CREB3: variants seen among roughly 807,000 people sequenced by gnomAD.
CREB3 encodes cyclic AMP-responsive element-binding protein 3.
Under a neutral mutation model 34.5 loss-of-function variants are expected in CREB3, and 29 were observed. The ratio of observed to expected loss-of-function variants is 0.84; its 90% CI spans 0.63 to 1.15. CREB3 has a LOEUF of 1.15. Among genes scored for constraint, CREB3 ranks in the 50% most tolerant of loss-of-function variants. CREB3 has a pLI of 0.00. For synonymous variants in CREB3, 187 were observed against 173.9 expected, an observed-to-expected ratio of 1.08 and a Z score of -0.59; for missense variants, 447 against 443.4, an observed-to-expected ratio of 1.01 and a Z score of -0.07.
At position 35,732,789 on chromosome 9, in the gene CREB3, A is replaced by G. The variant is rs756692021; in HGVS notation, c.17A>G (p.Asp6Gly). Residue 6 changes from aspartate to glycine, a missense_variant, in exon 1 of 9, where the codon GAT (aspartate) becomes GGT (glycine). Transcript: ENST00000353704. This position sits in a 1 kb window ranked among gnomAD's most constrained non-coding sequence, Gnocchi z 5.1. MELELDAGDQDLLAFL... is the reference protein window; with the variant it reads MELELGAGDQDLLAFL... ...TTGTCCCAAATGGAGCTGGAATTGG[A>G]TGCTGGTGACCAAGACCTGCTGGCC... 3.0e-5 allele frequency: 48 copies of G among 1,612,646 alleles called. No homozygotes were observed. Among genetic ancestry groups the G allele is most frequent in the Non-Finnish European group, 3.8e-5 (45 of 1,179,380 alleles).
Position 35,736,248 on chromosome 9 carries a change from C to T in CREB3, c.718C>T (p.Leu240Phe). 3 of 1,614,172 alleles carry T rather than the reference C, an allele frequency of 1.9e-6. No individual in the cohort carries two copies. Among genetic ancestry groups the T allele is most frequent in the African/African-American group, 2.7e-5 (2 of 75,042 alleles). Residue 240 changes from leucine (L) to phenylalanine (F), a missense_variant, in exon 8 of 9, where the codon CTC becomes TTC. Coordinates refer to ENST00000353704, the MANE Select transcript of CREB3 (RefSeq NM_006368.5). ...CILVLLVSFC[L>F]LLVPAMYSSD... is the part of the protein sequence containing the mutation. ...CTAGGTCCTACTAGTCTCCTTCTGC[C>T]TCCTCCTTGTACCTGCTATGTACTC... is the stretch of plus-strand genomic sequence containing the variant.
In CREB3 at chr9:35,733,411, G is replaced by GT; in HGVS notation, c.362dup (p.Leu122ThrfsTer4). ...GTTACCCTAGGAGATTGCTAGGCTA[G>GT]TACTGACAGATGAGGAGAAGAGTCT... On this transcript the variant is annotated frameshift_variant, in exon 4 of 9. Transcript: ENST00000353704. LOFTEE classifies it high-confidence loss of function. 6.2e-7 allele frequency: 1 copy of GT among 1,613,736 alleles called. No homozygotes were observed. The highest frequency in any genetic ancestry group is 1.1e-5 in the South Asian group (1 of 91,074).
At position 35,732,804 on chromosome 9, in the gene CREB3, A is replaced by G. The variant is rs1005838734; in HGVS notation, c.32A>G (p.Asp11Gly). 3.5e-5 allele frequency: 57 copies of G among 1,613,768 alleles called. No homozygotes were observed. The highest frequency in any genetic ancestry group is 4.8e-5 in the Non-Finnish European group (57 of 1,179,906). MELELDAGDQDLLAFLLEESG... is the reference protein window; with the variant it reads MELELDAGDQGLLAFLLEESG... ...CTGGAATTGGATGCTGGTGACCAAG[A>G]CCTGCTGGCCTTCCTGCTAGAGGAA... is the stretch of plus-strand genomic sequence containing the variant. The change falls in exon 1 of 9, where the codon GAC becomes GGC. Residue 11 changes from aspartate to glycine, a missense_variant. By Grantham distance (94) the Asp-to-Gly change is moderately conservative. Transcript: ENST00000353704. This position sits in a 1 kb window ranked among gnomAD's most constrained non-coding sequence, Gnocchi z 5.1.
chr9:35,733,506 A>G, intron 4 of CREB3, 21 bp downstream of exon 4: 1 of 1,573,304 alleles, frequency 6.4e-7, no homozygotes, highest in Non-Finnish European at 8.7e-7. Flanking sequence ...CATTGGTTGA[A>G]CAAAGGCTGA....
At position 35,733,497 on chromosome 9, in the gene CREB3, A is replaced by G. The variant is rs765152846; in HGVS notation, c.435+12A>G. On this transcript the variant is annotated intron_variant, in intron 4 of 8. Transcript: ENST00000353704. ...TTCCTCTCACTAAGGTAAGACTCTC[A>G]TTGGTTGAACAAAGGCTGAAAAGGG... 1 of 1,594,922 alleles carries G rather than the reference A, an allele frequency of 6.3e-7. No individual in the cohort carries two copies. The highest frequency in any genetic ancestry group is 8.6e-7 in the Non-Finnish European group (1 of 1,162,650).
chr9:35,733,826 G>A (rs190076889), intron 4 of CREB3, among the ~76,000 whole-genome samples: 1 of 152,290 alleles, frequency 6.6e-6, no homozygotes, highest in African/African-American at 2.4e-5. Context: ...TGGTAGAACT[G>A]TTTAGAGAGT....
In CREB3 at chr9:35,733,132, C is replaced by T. The variant is rs748137034; in HGVS notation, c.266C>T (p.Ser89Phe). 6 of 1,614,222 alleles carry T rather than the reference C, an allele frequency of 3.7e-6. No individual in the cohort carries two copies. The highest frequency in any genetic ancestry group is 3.3e-5 in the South Asian group (3 of 91,086). Residue 89 changes from serine (S) to phenylalanine (F), a missense_variant, in exon 2 of 9, where the codon TCT (serine) becomes TTT (phenylalanine). Physicochemically the swap from Ser to Phe is radical, Grantham distance 155. Transcript: ENST00000353704. ...TACTCCCTCCCACGGGAAACTGTCT[C>T]TATGGATCTAGGTGAGTCTGAAATA... Reference protein sequence around the residue: ...HTYSLPRETVSMDLESESCRK... With the variant: ...HTYSLPRETVFMDLESESCRK...
In CREB3 at chr9:35,734,023, G is replaced by T. The variant is rs530483030; in HGVS notation, c.435+538G>T. Among the ~76,000 whole-genome samples, 8 of 152,192 alleles carry T rather than the reference G, an allele frequency of 5.3e-5. No homozygotes were observed. The South Asian group carries it at 1.2e-3, about 24-fold the overall frequency. On this transcript the variant is annotated intron_variant, in intron 4 of 8. Transcript: ENST00000353704. Reference sequence around the variant, plus strand: ...AGGTCTTGCTCTGTTGCCCAGGCTGGAGTGCACTGATGTGATCATGGCTCA... The same window carrying T: ...AGGTCTTGCTCTGTTGCCCAGGCTGTAGTGCACTGATGTGATCATGGCTCA...
Position 35,736,855 on chromosome 9 carries a change from A to G in CREB3, c.*129A>G. ...TCAGGACGACTGAGGGCTCAAACAC[A>G]CCACACTTAATGGCTTTCTGGGTCT... On this transcript the variant is annotated 3_prime_UTR_variant, in exon 9 of 9. Transcript: ENST00000353704. The G allele has an allele frequency of 1.2e-6, 1 of 864,780 alleles. No individual in the cohort carries two copies. Among genetic ancestry groups the G allele is most frequent in the East Asian group, 2.5e-5 (1 of 40,064 alleles). 53.6% of individuals were successfully genotyped at this position (864,780 alleles called of 1,614,324 possible).
chr9:35,735,098 T>C lies in CREB3; in HGVS notation c.436-11T>C. ...TCCTCTAATGATATCCCTTTCCCTG[T>C]TTCCTTTCAGACAGAGGAACAAATT... On this transcript the variant is annotated splice_polypyrimidine_tract_variant and intron_variant, in intron 4 of 8. Transcript: ENST00000353704. The C allele has an allele frequency of 1.3e-6, 2 of 1,594,884 alleles. No homozygotes were observed. The highest frequency in any genetic ancestry group is 1.7e-6 in the Non-Finnish European group (2 of 1,174,230).
At position 35,736,683 on chromosome 9, in the gene CREB3, C is replaced by G; in HGVS notation, c.1073C>G (p.Thr358Ser). 6.2e-7 allele frequency: 1 copy of G among 1,611,990 alleles called. No individual in the cohort carries two copies. Among genetic ancestry groups the G allele is most frequent in the Non-Finnish European group, 8.5e-7 (1 of 1,179,958 alleles). The part of the protein sequence containing the change: ...NLTRKGGWLP[T>S]GSPSVILQDR... ...ACAAGGAAGGGAGGATGGCTTCCTA[C>G]TGGTAGCCCCTCTGTCATTTTGCAG... Residue 358 changes from threonine to serine, a missense_variant, in exon 9 of 9, where the codon ACT (threonine) becomes AGT (serine). By Grantham distance (58) the Thr-to-Ser change is moderately conservative. Transcript: ENST00000353704.
chr9:35,736,102 C>T lies in CREB3; in HGVS notation c.666C>T (p.Asn222=), dbSNP rs34745689. ...KLQAMVIEIS[N]KTSSSSTCIL... is the part of the protein sequence containing the mutation. ...AGGCCATGGTGATTGAGATATCAAA[C>T]AAAACCAGCAGCAGCAGCACCTGCA... is the stretch of plus-strand genomic sequence containing the variant. Residue 222 remains asparagine, a synonymous_variant, in exon 7 of 9, where the codon AAC becomes AAT. Transcript: ENST00000353704. The T allele has an allele frequency of 1.3e-3, 2,102 of 1,614,064 alleles. 8 individuals carry two copies. In the African/African-American group the frequency reaches 0.014, roughly 11 times the overall value.
In CREB3 at chr9:35,732,921, G is replaced by A; in HGVS notation, c.129+20G>A. ...TCTGAGGTAGGTTGGGGTTCTGACTGGGGAAAGCGTGGGATGTCCATGAAG... is the reference window on the plus strand; with the variant it reads ...TCTGAGGTAGGTTGGGGTTCTGACTAGGGAAAGCGTGGGATGTCCATGAAG... On this transcript the variant is annotated intron_variant, in intron 1 of 8. Transcript: ENST00000353704. The surrounding 1 kb of genome is among the most constrained non-coding windows in gnomAD (Gnocchi z 5.1). 2 of 1,613,118 alleles carry A rather than the reference G, an allele frequency of 1.2e-6. No homozygotes were observed. Among genetic ancestry groups the A allele is most frequent in the Non-Finnish European group, 8.5e-7 (1 of 1,179,398 alleles).
In CREB3 at chr9:35,733,224, G is replaced by A; in HGVS notation, c.287G>A (p.Ser96Asn). 1 of 1,614,174 alleles carries A rather than the reference G, an allele frequency of 6.2e-7. No individual in the cohort carries two copies. Among genetic ancestry groups the A allele is most frequent in the Non-Finnish European group, 8.5e-7 (1 of 1,180,030 alleles). Residue 96 changes from serine (S) to asparagine (N), a missense_variant, in exon 3 of 9, where the codon AGC (serine) becomes AAC (asparagine). Coordinates refer to ENST00000353704, the MANE Select transcript of CREB3 (RefSeq NM_006368.5). ...ACTTTCCCTTTTGCAGAGAGTGAGAGCTGTAGAAAAGAGGGGACCCAGATG... is the reference window on the plus strand; with the variant it reads ...ACTTTCCCTTTTGCAGAGAGTGAGAACTGTAGAAAAGAGGGGACCCAGATG... The part of the protein sequence containing the change: ...ETVSMDLESE[S>N]CRKEGTQMTP...
rs1041161229 is a variant in CREB3, at chr9:35,732,707, C to T, written c.-66C>T. The T allele has an allele frequency of 6.4e-7, 1 of 1,556,922 alleles. No homozygotes were observed. Among genetic ancestry groups the T allele is most frequent in the African/African-American group, 1.4e-5 (1 of 72,960 alleles). The stretch of plus-strand genomic sequence containing the variant: ...TAGGTGCCCGAGGCCTACAGCTGGC[C>T]TGGGGCTCGTGTCTGGGCTTCGGAC... On this transcript the variant is annotated 5_prime_UTR_variant, in exon 1 of 9. Transcript: ENST00000353704. The surrounding 1 kb of genome is among the most constrained non-coding windows in gnomAD (Gnocchi z 5.1).
chr9:35,734,708 C>T (rs1483868003), intron 4 of CREB3, among the ~76,000 whole-genome samples: 1 of 152,226 alleles, frequency 6.6e-6, no homozygotes, highest in African/African-American at 2.4e-5. Context: ...ATCCTCCTTC[C>T]TCAGTCTCCT....
intron 7 of CREB3, 32 bp from the exon 8 acceptor site, chr9:35,736,195 C>T: frequency 6.2e-7 from 1 of 1,612,734 alleles, no homozygotes; most frequent in Middle Eastern, 1.7e-4. Flanking sequence ...CAATCCAGAG[C>T]CCTTCTTCAT....
rs1359981001 is a variant in CREB3, at chr9:35,735,429, ACT to A, written c.611+58_611+59del. The A allele has an allele frequency of 7.4e-6, 11 of 1,490,062 alleles. No individual in the cohort carries two copies. In the Admixed American group the frequency reaches 1.2e-4, roughly 16 times the overall value. The allele number at this position is 1,490,062 out of a possible 1,614,324, so 92.3% of individuals were successfully genotyped here. A position where few individuals can be genotyped will look rare whatever the true frequency, so the allele number is the denominator to read the frequency against. On this transcript the variant is annotated intron_variant, in intron 6 of 8. Transcript: ENST00000353704. ...TATGCCCCTCATTTAATGCTTTCTC[ACT>A]CTTTCCCCTGCCCTACACTTGATTT...
chr9:35,735,568 G>C (rs1826185534), intron 6 of CREB3, among the ~76,000 whole-genome samples, 194 bp downstream of exon 6: 1 of 152,206 alleles, frequency 6.6e-6, no homozygotes, highest in Non-Finnish European at 1.5e-5. Context: ...AAGAAAGGGG[G>C]TAAGAAAGAC....
Sources: gnomAD v4.1 joint callset for allele counts (sites outside exome capture counted in the v4.1 genomes callset) on GRCh38, gnomAD v4.1.1 for gene constraint, Gnocchi (gnomAD v3.1) non-coding constraint, MANE v1.5 for transcripts, NCBI Gene and HGNC (gene_info 2026-07-23, HGNC 2026-07-21) for gene names.